Variants in YIPF7 observed in about 807,000 individuals in gnomAD.
The protein encoded by YIPF7 is Yip1 domain family member 7, also known as protein YIPF7.
In YIPF7, 35 loss-of-function variants were observed where a neutral mutation model predicts 27.2. The ratio of observed to expected loss-of-function variants is 1.29; its 90% CI spans 0.98 to 1.70. The LOEUF is 1.70. YIPF7 is among the 40% of genes most tolerant of loss of function. The pLI is 0.00. For missense variants in YIPF7, 358 were observed against 303.7 expected, an observed-to-expected ratio of 1.18 and a Z score of -1.33; for synonymous variants, 137 against 110.4, an observed-to-expected ratio of 1.24 and a Z score of -1.51.
chr4:44,625,311 A>C (rs540082152), intron 4 of YIPF7, among the ~76,000 whole-genome samples: 4 of 152,306 alleles, frequency 2.6e-5, no homozygotes, highest in East Asian at 1.9e-4. Flanking sequence ...CACATGAGGA[A>C]ACTGAGGTGC....
chr4:44,654,208 T>C (rs370489019), upstream of YIPF7, among the ~76,000 whole-genome samples: 12 of 152,198 alleles, frequency 7.9e-5, no homozygotes, highest in African/African-American at 2.9e-4. Context: ...GTGGGTTTTT[T>C]CCATTAATGA....
intron 4 of YIPF7, among the ~76,000 whole-genome samples, chr4:44,625,130 A>G (rs887575155): frequency 5.3e-5 from 8 of 152,218 alleles, no homozygotes; most frequent in Admixed American, 4.6e-4. Context: ...GTGATTGAAC[A>G]GAGGAATAAA....
intron 5 of YIPF7, among the ~76,000 whole-genome samples, chr4:44,624,042 GT>G (rs959264864): frequency 7.4e-5 from 11 of 148,892 alleles, no homozygotes; most frequent in South Asian, 4.3e-4. Flanking sequence ...AAAAGTGCCA[GT>G]TTTTTTTTCT....
Position 44,622,269 on chromosome 4 carries a change from A to G in YIPF7, c.*145T>C, listed in dbSNP as rs916766241. ...CAAACCAACAGGCTATTAGAGCACC[A>G]CCCTTAAGTGCTGCTTTGTCTCTCT... On this transcript the variant is annotated 3_prime_UTR_variant, in exon 6 of 6. Coordinates refer to ENST00000415895, the MANE Select transcript of YIPF7 (RefSeq NM_182592.3). 2.0e-6 allele frequency: 2 copies of G among 1,008,168 alleles called. No homozygotes were observed. The highest frequency in any genetic ancestry group is 3.6e-5 in the South Asian group (2 of 56,312). The allele number at this position is 1,008,168 out of a possible 1,614,324, so 62.5% of individuals were successfully genotyped here. A position where few individuals can be genotyped will look rare whatever the true frequency, so the allele number is the denominator to read the frequency against.
At chr4:44,645,931 G>A (rs1274502765) in intron 2 of YIPF7, among the ~76,000 whole-genome samples, 2 of 152,042 alleles carry the variant, frequency 1.3e-5, no homozygotes, top group African/African-American at 4.8e-5. Flanking sequence ...CAGCAAGGAG[G>A]TACACCAAAT....
At position 44,629,944 on chromosome 4, in the gene YIPF7, T is replaced by C. The variant is rs562423662; in HGVS notation, c.281-396A>G. Among the ~76,000 whole-genome samples, 15 of 152,264 alleles carry C rather than the reference T, an allele frequency of 9.9e-5. No homozygotes were observed. The South Asian group carries it at 2.9e-3, about 29-fold the overall frequency. On this transcript the variant is annotated intron_variant, in intron 3 of 5. Coordinates refer to ENST00000415895, the MANE Select transcript of YIPF7 (RefSeq NM_182592.3). ...ATCAAAACTTTCATCCTATTGTCCA[T>C]CTAGATATTTCCTTTTCCTGCATTT...
At chr4:44,658,767 G>A (rs760902430) in intron 2 of YIPF7, among the ~76,000 whole-genome samples, 19 of 152,076 alleles carry the variant, frequency 1.2e-4, no homozygotes, top group Non-Finnish European at 2.6e-4. Context: ...CAGCAGATAG[G>A]AGAATAAGAA....
intron 2 of YIPF7, among the ~76,000 whole-genome samples, chr4:44,643,339 C>G (rs892798159): frequency 6.6e-6 from 1 of 152,096 alleles, no homozygotes; most frequent in African/African-American, 2.4e-5. Flanking sequence ...AGCAGTAAAG[C>G]CTTCAAGATA....
chr4:44,635,056 T>G (rs1002915936), intron 3 of YIPF7, among the ~76,000 whole-genome samples: 1 of 152,178 alleles, frequency 6.6e-6, no homozygotes, highest in Non-Finnish European at 1.5e-5. Context: ...GCTGGTTGTG[T>G]TCATGTGAGG....
At chr4:44,639,551 T>A (rs1409393534) in intron 2 of YIPF7, among the ~76,000 whole-genome samples, 1 of 152,180 alleles carries the variant, frequency 6.6e-6, no homozygotes, top group East Asian at 1.9e-4. Flanking sequence ...TATGTATGTA[T>A]TTTATACATA....
Position 44,622,491 on chromosome 4 carries a change from T to A in YIPF7, c.694A>T (p.Met232Leu). Residue 232 changes from methionine (M) to leucine (L), a missense_variant, in exon 6 of 6, where the codon ATG becomes TTG. Physicochemically the swap from Met to Leu is conservative, Grantham distance 15. Transcript: ENST00000415895. ...GCAACAAGAAGCTGCTGTCCTTCCATGTGCAAGGCTGCAATGAAGATCTTG... is the reference window on the plus strand; with the variant it reads ...GCAACAAGAAGCTGCTGTCCTTCCAAGTGCAAGGCTGCAATGAAGATCTTG... ...ASKIFIAALH[M>L]EGQQLLVAYP... 2.5e-6 allele frequency: 4 copies of A among 1,613,934 alleles called. No homozygotes were observed. Among genetic ancestry groups the A allele is most frequent in the Non-Finnish European group, 2.5e-6 (3 of 1,179,850 alleles).
intron 2 of YIPF7, among the ~76,000 whole-genome samples, chr4:44,636,993 CAT>C (rs1030901241): frequency 3.9e-5 from 6 of 152,158 alleles, no homozygotes; most frequent in Non-Finnish European, 8.8e-5. Context: ...TGAGTAAAAA[CAT>C]GTGATATTTG....
intron 2 of YIPF7, among the ~76,000 whole-genome samples, chr4:44,637,430 G>A (rs1478557101): frequency 3.3e-5 from 5 of 152,010 alleles, no homozygotes; most frequent in African/African-American, 7.2e-5. Context: ...ATTTTAATAA[G>A]AGCCATTCTG....
At chr4:44,646,075 G>A (rs1420148131) in intron 2 of YIPF7, among the ~76,000 whole-genome samples, 1 of 152,132 alleles carries the variant, frequency 6.6e-6, no homozygotes, top group Non-Finnish European at 1.5e-5. Flanking sequence ...AGAGATGTTG[G>A]TGGAGTCAAG....
chr4:44,636,196 A>G, intron 2 of YIPF7, 111 bp from the exon 3 acceptor site: 1 of 1,152,344 alleles, frequency 8.7e-7, no homozygotes, highest in South Asian at 2.0e-5. Context: ...ATGAGTATTT[A>G]CTCATGAAAG....
chr4:44,641,100 G>A (rs891181170), intron 2 of YIPF7, among the ~76,000 whole-genome samples: 1 of 152,068 alleles, frequency 6.6e-6, no homozygotes, highest in East Asian at 1.9e-4. Context: ...GCAGGAAAGT[G>A]GACCACGTAT....
intron 5 of YIPF7, among the ~76,000 whole-genome samples, chr4:44,623,556 C>A (rs1008411172): frequency 6.6e-6 from 1 of 152,018 alleles, no homozygotes; most frequent in African/African-American, 2.4e-5. Context: ...ATAATTGAAC[C>A]AAAGCAAAAC....
intron 3 of YIPF7, among the ~76,000 whole-genome samples, chr4:44,633,476 A>G (rs1220212489): frequency 1.3e-5 from 2 of 152,170 alleles, no homozygotes; most frequent in Non-Finnish European, 2.9e-5. Context: ...TCACATATTA[A>G]GCTTAAACAA....
At chr4:44,638,184 G>A (rs1023519955) in intron 2 of YIPF7, among the ~76,000 whole-genome samples, 4 of 149,552 alleles carry the variant, frequency 2.7e-5, no homozygotes, top group African/African-American at 9.8e-5. Flanking sequence ...ATTGTTTCAG[G>A]GTTTTTTGGC....
Sources: gnomAD v4.1 joint callset for allele counts (sites outside exome capture counted in the v4.1 genomes callset) on GRCh38, gnomAD v4.1.1 for gene constraint, MANE v1.5 for transcripts, NCBI Gene and HGNC (gene_info 2026-07-23, HGNC 2026-07-21) for gene names.